EPAS1: variants seen among roughly 807,000 people sequenced by gnomAD.
EPAS1 encodes the protein endothelial PAS domain protein 1, also known as endothelial PAS domain-containing protein 1.
In EPAS1, 23 loss-of-function variants were observed where a neutral mutation model predicts 87.9. The observed-to-expected ratio is 0.26, with a 90% confidence interval of 0.19 to 0.37. The LOEUF is 0.37. Among genes scored for constraint, EPAS1 ranks in the 10% least tolerant of loss-of-function variants. The pLI, the probability that EPAS1 is intolerant of heterozygous loss-of-function variation, is 1.00. For missense variants in EPAS1, 1,138 were observed against 1,120.7 expected (o/e 1.02, Z -0.22); for synonymous variants, 508 against 444.3 (o/e 1.14, Z -1.80).
At chr2:46,374,184 T>G (rs1371542628) in intron 7 of EPAS1, among the ~76,000 whole-genome samples, 1 of 152,178 alleles carries the variant, frequency 6.6e-6, no homozygotes, top group Admixed American at 6.5e-5. Flanking sequence ...CAAACTGCAC[T>G]AGTATGAAGA....
rs1212979000 is a variant in EPAS1 at position 46,360,824 on chromosome 2, G to T, written c.574-61G>T. 2.5e-6 allele frequency: 4 copies of T among 1,611,796 alleles called. No homozygotes were observed. Among genetic ancestry groups the T allele is most frequent in the Non-Finnish European group, 3.4e-6 (4 of 1,178,080 alleles). Reference sequence around the variant, plus strand: ...TAACGGCGGTGCAGGGGATGCCTAAGGCCCTACCCCCACCCCCAGCACTCT... The same window carrying T: ...TAACGGCGGTGCAGGGGATGCCTAATGCCCTACCCCCACCCCCAGCACTCT... On this transcript the variant is annotated intron_variant, in intron 5 of 15. Coordinates refer to ENST00000263734, the MANE Select transcript of EPAS1 (RefSeq NM_001430.5). The surrounding 1 kb of genome is among the most constrained non-coding windows in gnomAD (Gnocchi z 4.5).
chr2:46,384,945 C>G lies in EPAS1; in HGVS notation c.*285C>G, dbSNP rs1011091519. The G allele has an allele frequency of 2.6e-5, 12 of 455,048 alleles. No individual in the cohort carries two copies. The highest frequency in any genetic ancestry group is 4.5e-5 in the Non-Finnish European group (11 of 246,424). The allele number at this position is 455,048 out of a possible 1,614,324, so 28.2% of individuals were successfully genotyped here. A position where few individuals can be genotyped will look rare whatever the true frequency, so the allele number is the denominator to read the frequency against. On this transcript the variant is annotated 3_prime_UTR_variant, in exon 16 of 16. Coordinates refer to ENST00000263734, the MANE Select transcript of EPAS1 (RefSeq NM_001430.5). The stretch of plus-strand genomic sequence containing the variant: ...TCAATGACTTCTAATTTATATTATC[C>G]ATAGGTTTCTCTCCCTCCTTCTCCT...
At chr2:46,306,439 T>C (rs1039797689) in intron 1 of EPAS1, among the ~76,000 whole-genome samples, 3 of 152,196 alleles carry the variant, frequency 2.0e-5, no homozygotes, top group Non-Finnish European at 2.9e-5. Flanking sequence ...AAAGCCCATA[T>C]GTACCACCTT....
At chr2:46,366,613 TTC>T (rs902224822) in intron 6 of EPAS1, among the ~76,000 whole-genome samples, 14 of 152,354 alleles carry the variant, frequency 9.2e-5, no homozygotes, top group Middle Eastern at 3.4e-3. Context: ...CCTTGTACAT[TTC>T]TCTCTTCTCT....
chr2:46,344,503 T>C (rs1319449067), intron 1 of EPAS1, among the ~76,000 whole-genome samples: 1 of 152,222 alleles, frequency 6.6e-6, no homozygotes, highest in Non-Finnish European at 1.5e-5. Flanking sequence ...GCATGATGTG[T>C]GCGGTTTCAG....
intron 10 of EPAS1, 142 bp downstream of exon 10, chr2:46,378,229 A>G (rs1199618305): frequency 1.4e-6 from 2 of 1,398,530 alleles, no homozygotes; most frequent in Non-Finnish European, 9.4e-7. Context: ...ACACTTACCT[A>G]CCAGGTATCA....
At chr2:46,329,117 G>A (rs1305719971) in intron 1 of EPAS1, among the ~76,000 whole-genome samples, 1 of 152,190 alleles carries the variant, frequency 6.6e-6, no homozygotes, top group Non-Finnish European at 1.5e-5. Context: ...GGTTTTTAAA[G>A]TCAAGTTGCA....
At chr2:46,319,031 A>G (rs2104847792) in intron 1 of EPAS1, among the ~76,000 whole-genome samples, 2 of 152,332 alleles carry the variant, frequency 1.3e-5, no homozygotes, top group Non-Finnish European at 2.9e-5. Context: ...CCTGAAAAGC[A>G]GCATCTTTTC....
intron 13 of EPAS1, 23 bp from the exon 14 acceptor site, chr2:46,381,952 C>T (rs1389152958): frequency 7.3e-7 from 1 of 1,367,106 alleles, no homozygotes; most frequent in South Asian, 1.1e-5. Context: ...TTTCCCCTTT[C>T]CATCTGCCCT....
At chr2:46,361,524 T>G (rs368842618) in intron 6 of EPAS1, among the ~76,000 whole-genome samples, 13 of 152,124 alleles carry the variant, frequency 8.5e-5, no homozygotes, top group African/African-American at 2.9e-4. Context: ...ACTGAGCCTT[T>G]CCCTCCGCCT....
intron 1 of EPAS1, among the ~76,000 whole-genome samples, chr2:46,335,009 C>T (rs1388151816): frequency 1.3e-5 from 2 of 152,116 alleles, no homozygotes; most frequent in African/African-American, 4.8e-5. Context: ...AAAGGAAGCC[C>T]AGGACAGATT....
At chr2:46,373,316 G>T (rs185756324) in intron 7 of EPAS1, among the ~76,000 whole-genome samples, 2 of 152,148 alleles carry the variant, frequency 1.3e-5, no homozygotes, top group East Asian at 3.9e-4. Flanking sequence ...TCCATACAAA[G>T]ATTTATACAC....
intron 1 of EPAS1, among the ~76,000 whole-genome samples, chr2:46,345,138 T>A (rs999656286): frequency 6.6e-6 from 1 of 152,216 alleles, no homozygotes; most frequent in Non-Finnish European, 1.5e-5. Flanking sequence ...GATGCTTTTT[T>A]ATTTTATCTT....
intron 1 of EPAS1, among the ~76,000 whole-genome samples, chr2:46,319,929 A>G (rs1014331854): frequency 2.0e-5 from 3 of 152,220 alleles, no homozygotes; most frequent in African/African-American, 7.2e-5. Context: ...AACATATTTA[A>G]GAGTTCCCAG....
chr2:46,353,295 C>T (rs2103623981), intron 2 of EPAS1, among the ~76,000 whole-genome samples: 1 of 152,318 alleles, frequency 6.6e-6, no homozygotes, highest in South Asian at 2.1e-4. Context: ...CTATGAGTAG[C>T]AGGGTCAGCG....
chr2:46,313,805 T>C (rs1158766414), intron 1 of EPAS1, among the ~76,000 whole-genome samples: 1 of 152,194 alleles, frequency 6.6e-6, no homozygotes, highest in Non-Finnish European at 1.5e-5. Context: ...CCCCCTAGTA[T>C]GTAAGCTTCA....
chr2:46,361,796 C>A (rs931032827), intron 6 of EPAS1, among the ~76,000 whole-genome samples: 2 of 152,154 alleles, frequency 1.3e-5, no homozygotes, highest in South Asian at 4.2e-4. Flanking sequence ...CATGCCATCT[C>A]GGGTTCTTAG....
At chr2:46,304,002 C>T (rs1683060763) in intron 1 of EPAS1, among the ~76,000 whole-genome samples, 1 of 152,204 alleles carries the variant, frequency 6.6e-6, no homozygotes, top group South Asian at 2.1e-4. Flanking sequence ...AAGCCAAGTG[C>T]CCTGCACAGG....
intron 1 of EPAS1, among the ~76,000 whole-genome samples, chr2:46,342,923 T>C (rs748992942): frequency 6.6e-6 from 1 of 152,192 alleles, no homozygotes; most frequent in Non-Finnish European, 1.5e-5. Flanking sequence ...ATCAAACGTT[T>C]CAGAATGTGA....
Sources: gnomAD v4.1 joint callset for allele counts (sites outside exome capture counted in the v4.1 genomes callset) on GRCh38, gnomAD v4.1.1 for gene constraint, Gnocchi (gnomAD v3.1) non-coding constraint, MANE v1.5 for transcripts, NCBI Gene and HGNC (gene_info 2026-07-23, HGNC 2026-07-21) for gene names.